TUBB6: variants seen among roughly 807,000 people sequenced by gnomAD.
TUBB6 encodes tubulin beta 6 class V.
Under a neutral mutation model 32.3 loss-of-function variants are expected in TUBB6, and 18 were observed. That is an observed-to-expected ratio of 0.56 (90% CI 0.39 to 0.83). The LOEUF (loss-of-function observed/expected upper bound fraction) is 0.83. Ranked by LOEUF, TUBB6 falls within the 40% of genes least tolerant of loss-of-function variation. TUBB6 has a pLI of 0.00. For synonymous variants in TUBB6, 280 were observed against 265.8 expected, an observed-to-expected ratio of 1.05 and a Z score of -0.52; for missense variants, 480 against 632.0, an observed-to-expected ratio of 0.76 and a Z score of 2.58.
chr18:12,320,890 T>C (rs1305088275), intron 3 of TUBB6: 1 of 152,272 alleles, frequency 6.6e-6, no homozygotes, highest in Non-Finnish European at 1.5e-5. Context: ...TTGATAGCTG[T>C]AGCTCAGCTG....
Position 12,308,366 on chromosome 18 carries a change from G to A in TUBB6, c.57+17G>A, listed in dbSNP as rs1392604573. The A allele has an allele frequency of 7.0e-7, 1 of 1,420,104 alleles. No homozygotes were observed. The allele number at this position is 1,420,104 out of a possible 1,614,324, so 88.0% of individuals were successfully genotyped here. On this transcript the variant is annotated intron_variant, in intron 1 of 3. Coordinates refer to ENST00000317702, the MANE Select transcript of TUBB6 (RefSeq NM_032525.3). ...GGCACCAAGGTGGGCCTGGCGCGGT[G>A]CAGGGCCTCTCCGCGGGTCGGCTGC...
intron 1 of TUBB6, 85 bp downstream of exon 1, chr18:12,308,434 G>GA: frequency 9.1e-7 from 1 of 1,103,404 alleles, no homozygotes; most frequent in Middle Eastern, 3.4e-4. Context: ...GCCGGGGCGC[G>GA]CACCCGCTGT....
intron 1 of TUBB6, 78 bp from the exon 2 acceptor site, chr18:12,308,609 C>T (rs77669770): frequency 0.11 from 123,664 of 1,122,434 alleles, 7,449 homozygotes; most frequent in East Asian, 0.18. Flanking sequence ...GCCGCCGGGG[C>T]GCCTGGGGTG....
chr18:12,318,756 TTTTG>T (rs56312490), intron 3 of TUBB6, among the ~76,000 whole-genome samples: 3 of 150,536 alleles, frequency 2.0e-5, no homozygotes, highest in East Asian at 2.0e-4. Flanking sequence ...AAATGTGTGG[TTTTG>T]TTTGTTTGTT....
At chr18:12,315,021 T>TA (rs1293961941) in intron 3 of TUBB6, among the ~76,000 whole-genome samples, 4 of 151,706 alleles carry the variant, frequency 2.6e-5, no homozygotes, top group African/African-American at 7.3e-5. Context: ...AAACTAGAGT[T>TA]AAAAAAAAAT....
At chr18:12,314,531 C>G (rs1370289002) in intron 3 of TUBB6, among the ~76,000 whole-genome samples, 1 of 152,036 alleles carries the variant, frequency 6.6e-6, no homozygotes, top group Admixed American at 6.6e-5. Flanking sequence ...TGGTGCGTAG[C>G]TGGAAAGGCC....
At chr18:12,308,645 C>G (rs781031557) in intron 1 of TUBB6, 42 bp from the exon 2 acceptor site, 1 of 1,417,522 alleles carries the variant, frequency 7.1e-7, no homozygotes, top group East Asian at 2.3e-5. Flanking sequence ...GTCCCGGGCT[C>G]TGGGTTCTGA....
intron 3 of TUBB6, among the ~76,000 whole-genome samples, chr18:12,324,445 C>T (rs893269439): frequency 9.0e-5 from 13 of 144,290 alleles, no homozygotes; most frequent in African/African-American, 1.8e-4. Context: ...AAGGAGAGAA[C>T]TTTTTTTTTT....
chr18:12,328,210 C>T (rs1416959928), downstream of TUBB6, among the ~76,000 whole-genome samples: 2 of 152,206 alleles, frequency 1.3e-5, no homozygotes, highest in Non-Finnish European at 2.9e-5. Context: ...CATGCATGGC[C>T]TGGGGCCATG....
chr18:12,313,497 A>G (rs1906506439), intron 3 of TUBB6, among the ~76,000 whole-genome samples: 1 of 152,212 alleles, frequency 6.6e-6, no homozygotes, highest in Non-Finnish European at 1.5e-5. Context: ...GAGTGCTAAA[A>G]CTGCCAGGGT....
At chr18:12,312,172 A>G (rs1390233507) in intron 3 of TUBB6, among the ~76,000 whole-genome samples, 1 of 152,242 alleles carries the variant, frequency 6.6e-6, no homozygotes, top group Non-Finnish European at 1.5e-5. Flanking sequence ...AATGATGGAA[A>G]ACTTCCCAAC....
At chr18:12,318,107 T>C (rs1382695899) in intron 3 of TUBB6, among the ~76,000 whole-genome samples, 2 of 152,122 alleles carry the variant, frequency 1.3e-5, no homozygotes, top group Non-Finnish European at 2.9e-5. Context: ...GTTTCTGCTA[T>C]TTTAATGAAA....
intron 3 of TUBB6, 105 bp downstream of exon 3, chr18:12,311,158 G>A: frequency 2.0e-6 from 2 of 979,626 alleles, no homozygotes; most frequent in Non-Finnish European, 3.0e-6. Flanking sequence ...AAGTGTGAAT[G>A]GAAATCAGTG....
chr18:12,325,823 T>C lies in TUBB6; in HGVS notation c.1034T>C (p.Ile345Thr). ...SKNSSYFVEW[I>T]PNNVKVAVCD... ...AACAGCAGCTACTTCGTGGAGTGGA[T>C]TCCCAACAACGTGAAGGTGGCCGTG... is the stretch of plus-strand genomic sequence containing the variant. The change falls in exon 4 of 4, where the codon ATT (isoleucine) becomes ACT (threonine). Residue 345 changes from isoleucine (I) to threonine (T), a missense_variant. Physicochemically the swap from Ile to Thr is moderately conservative, Grantham distance 89 (BLOSUM62 -1). Transcript: ENST00000317702. The C allele has an allele frequency of 1.2e-6, 2 of 1,614,190 alleles. No homozygotes were observed. Among genetic ancestry groups the C allele is most frequent in the Non-Finnish European group, 1.7e-6 (2 of 1,180,040 alleles).
Position 12,324,923 on chromosome 18 carries a change from G to T in TUBB6, c.278-144G>T, listed in dbSNP as rs558322520. 35 of 1,488,504 alleles carry T rather than the reference G, an allele frequency of 2.4e-5. No homozygotes were observed. In the East Asian group the frequency reaches 4.4e-4, roughly 19 times the overall value. 92.2% of individuals were successfully genotyped at this position (1,488,504 alleles called of 1,614,324 possible). A position where few individuals can be genotyped will look rare whatever the true frequency, so the allele number is the denominator to read the frequency against. On this transcript the variant is annotated intron_variant, in intron 3 of 3. Coordinates refer to ENST00000317702, the MANE Select transcript of TUBB6 (RefSeq NM_032525.3). The stretch of plus-strand genomic sequence containing the variant: ...ACCAGTGCATCTGCTCAGCTGCACC[G>T]TTGGTGGGTGCCTGTTTCCCCGGCC...
chr18:12,318,163 A>C (rs1446851893), intron 3 of TUBB6, among the ~76,000 whole-genome samples: 1 of 151,938 alleles, frequency 6.6e-6, no homozygotes, highest in Non-Finnish European at 1.5e-5. Flanking sequence ...TTTCCTTTGT[A>C]AAATGTGACA....
In TUBB6 at chr18:12,308,370, G is replaced by A. The variant is rs767780795; in HGVS notation, c.57+21G>A. 2.1e-6 allele frequency: 3 copies of A among 1,408,288 alleles called. No individual in the cohort carries two copies. The South Asian group carries it at 4.8e-5, about 23-fold the overall frequency. The allele number at this position is 1,408,288 out of a possible 1,614,324, so 87.2% of individuals were successfully genotyped here. ...CCAAGGTGGGCCTGGCGCGGTGCAG[G>A]GCCTCTCCGCGGGTCGGCTGCTGGC... On this transcript the variant is annotated intron_variant, in intron 1 of 3. Coordinates refer to ENST00000317702, the MANE Select transcript of TUBB6 (RefSeq NM_032525.3).
chr18:12,328,490 T>A (rs1005307815), downstream of TUBB6, among the ~76,000 whole-genome samples: 7 of 152,180 alleles, frequency 4.6e-5, no homozygotes, highest in Non-Finnish European at 7.3e-5. Flanking sequence ...TCCCTTTCAA[T>A]AGACAATAGG....
At chr18:12,318,602 T>C (rs1906798318) in intron 3 of TUBB6, among the ~76,000 whole-genome samples, 1 of 151,730 alleles carries the variant, frequency 6.6e-6, no homozygotes, top group East Asian at 1.9e-4. Context: ...GCAAAGACAA[T>C]AGGAGAGAAA....
Sources: gnomAD v4.1 joint callset for allele counts (sites outside exome capture counted in the v4.1 genomes callset) on GRCh38, gnomAD v4.1.1 for gene constraint, MANE v1.5 for transcripts, NCBI Gene and HGNC (gene_info 2026-07-23, HGNC 2026-07-21) for gene names.